The following STK3 variants were observed in gnomAD, a reference collection of about 807,000 sequenced individuals.
STK3 encodes the protein serine/threonine kinase 3, also known as serine/threonine-protein kinase 3.
STK3 carries 41 observed loss-of-function variants against 58.0 expected under a neutral mutation model. That is an observed-to-expected ratio of 0.71 (90% CI 0.55 to 0.92). STK3 has a LOEUF of 0.92. Ranked by LOEUF, STK3 falls within the 40% of genes least tolerant of loss-of-function variation. STK3 has a pLI of 0.00. For missense variants in STK3, 479 were observed against 602.7 expected, an observed-to-expected ratio of 0.79 and a Z score of 2.15; for synonymous variants, 170 against 191.0, an observed-to-expected ratio of 0.89 and a Z score of 0.91.
At chr8:98,443,276 A>G (rs1057197905) in intron 1 of STK3, among the ~76,000 whole-genome samples, 1 of 152,222 alleles carries the variant, frequency 6.6e-6, no homozygotes, top group Non-Finnish European at 1.5e-5. Context: ...TATTTGTTCA[A>G]GGCCAAAATA....
intron 6 of STK3, among the ~76,000 whole-genome samples, chr8:98,638,802 G>A (rs1001095994): frequency 5.3e-5 from 8 of 152,086 alleles, no homozygotes; most frequent in Non-Finnish European, 7.4e-5. Context: ...TAAACATAGA[G>A]CACAGAGGGG....
chr8:98,675,131 A>G (rs1045350131), intron 6 of STK3, among the ~76,000 whole-genome samples: 1 of 152,226 alleles, frequency 6.6e-6, no homozygotes, highest in African/African-American at 2.4e-5. Flanking sequence ...AAAGTGCTTC[A>G]TGAATAAAAG....
intron 10 of STK3, among the ~76,000 whole-genome samples, chr8:98,494,717 C>T (rs1458326315): frequency 2.0e-5 from 3 of 149,424 alleles, no homozygotes; most frequent in Non-Finnish European, 3.0e-5. Context: ...ACTGGGAGAC[C>T]TAACCCATTT....
intron 1 of STK3, among the ~76,000 whole-genome samples, chr8:98,820,392 T>C (rs574432745): frequency 6.6e-6 from 1 of 152,332 alleles, no homozygotes; most frequent in Non-Finnish European, 1.5e-5. Flanking sequence ...CCTCCAACCA[T>C]ACCTTAATCA....
intron 6 of STK3, among the ~76,000 whole-genome samples, chr8:98,599,981 A>C (rs1266119849): frequency 6.6e-6 from 1 of 152,196 alleles, no homozygotes; most frequent in East Asian, 1.9e-4. Context: ...AAAGAAAAAA[A>C]ATGTGAATCT....
At chr8:98,595,222 T>C (rs937973436) in intron 7 of STK3, 3 of 152,098 alleles carry the variant, frequency 2.0e-5, no homozygotes, top group Admixed American at 6.5e-5. Flanking sequence ...CAATAAACAT[T>C]ATACTTAAGA....
At chr8:98,619,212 G>A (rs868279244) in intron 6 of STK3, among the ~76,000 whole-genome samples, 3,517 of 149,906 alleles carry the variant, frequency 0.023, 63 homozygotes, top group Middle Eastern at 0.086. Flanking sequence ...CAAGCAATGG[G>A]GAAAGGATTC....
intron 6 of STK3, among the ~76,000 whole-genome samples, chr8:98,604,807 A>C (rs1230883322): frequency 6.6e-6 from 1 of 152,132 alleles, no homozygotes; most frequent in East Asian, 1.9e-4. Flanking sequence ...TGAGTTTTAC[A>C]TCATTTCTTT....
chr8:98,636,015 C>T (rs1819594003), intron 6 of STK3, among the ~76,000 whole-genome samples: 1 of 152,066 alleles, frequency 6.6e-6, no homozygotes, highest in Admixed American at 6.6e-5. Flanking sequence ...TTCCCTAATA[C>T]AACCCTTCCT....
chr8:98,841,644 T>C (rs1835986019), intron 3 of STK3, among the ~76,000 whole-genome samples: 2 of 130,376 alleles, frequency 1.5e-5, no homozygotes, highest in African/African-American at 6.0e-5. Flanking sequence ...TGACCTCCAC[T>C]GCACCCCAGT....
chr8:98,404,152 A>G (rs1817970689), intron 3 of STK3, among the ~76,000 whole-genome samples: 1 of 152,126 alleles, frequency 6.6e-6, no homozygotes, highest in Non-Finnish European at 1.5e-5. Context: ...GTTTCCTCAA[A>G]CCCTGTCCTT....
chr8:98,872,792 T>C (rs1316639636), intron 3 of STK3, among the ~76,000 whole-genome samples: 3 of 152,234 alleles, frequency 2.0e-5, no homozygotes, highest in African/African-American at 4.8e-5. Context: ...AAAAACCAGC[T>C]CCTGGATTCA....
intron 1 of STK3, among the ~76,000 whole-genome samples, chr8:98,912,411 A>AG (rs539978590): frequency 1.1e-3 from 165 of 152,122 alleles, no homozygotes; most frequent in African/African-American, 3.8e-3. Context: ...CAAACGAAAA[A>AG]AAAAAAACTT....
At chr8:98,895,246 C>G (rs1410410466) in intron 1 of STK3, among the ~76,000 whole-genome samples, 1 of 152,138 alleles carries the variant, frequency 6.6e-6, no homozygotes, top group Non-Finnish European at 1.5e-5. Flanking sequence ...TTAAAACAGA[C>G]TCTGGTTTGA....
chr8:98,544,740 C>A (rs1810564521), intron 9 of STK3, among the ~76,000 whole-genome samples: 1 of 150,336 alleles, frequency 6.7e-6, no homozygotes. Flanking sequence ...TTCATGAAAC[C>A]AATATTCCAA....
chr8:98,411,255 CT>C (rs1468906239), intron 3 of STK3, among the ~76,000 whole-genome samples: 20 of 152,248 alleles, frequency 1.3e-4, no homozygotes, highest in African/African-American at 4.1e-4. Flanking sequence ...AACTGCTCTT[CT>C]CATGAGAAGC....
chr8:98,829,155 GA>G (rs901513819), upstream of STK3, among the ~76,000 whole-genome samples: 2 of 152,168 alleles, frequency 1.3e-5, no homozygotes, highest in African/African-American at 4.8e-5. Flanking sequence ...CCCTTCCTGT[GA>G]GGTGACCTAG....
chr8:98,400,526 G>GTCTGACCCT (rs1364631056), downstream of STK3, among the ~76,000 whole-genome samples: 25 of 152,318 alleles, frequency 1.6e-4, no homozygotes, highest in African/African-American at 4.6e-4. Flanking sequence ...AACAGCCAAG[G>GTCTGACCCT]TCTGACCCTT....
rs187285152 is a variant in STK3, at chr8:98,772,586, C to A, written c.107+2153G>T. On this transcript the variant is annotated intron_variant, in intron 2 of 10. Transcript: ENST00000419617. ...TGGTGGCAGGCACCTGTAATCCCAGCTACTCGGGAGGTTGAGGCAACAGAA... is the reference window on the plus strand; with the variant it reads ...TGGTGGCAGGCACCTGTAATCCCAGATACTCGGGAGGTTGAGGCAACAGAA... 8.6e-3 allele frequency among the ~76,000 whole-genome samples: 1,304 copies of A among 152,216 alleles called. 10 individuals carry two copies. Among genetic ancestry groups the A allele is most frequent in the African/African-American group, 0.03 (1,228 of 41,506 alleles).
Sources: allele counts gnomAD v4.1 joint callset (sites outside exome capture counted in the v4.1 genomes callset), GRCh38; gene constraint gnomAD v4.1.1; transcripts MANE v1.5; gene names NCBI Gene and HGNC (gene_info 2026-07-23, HGNC 2026-07-21).